Variants in SPECC1 observed in about 807,000 individuals in gnomAD.
SPECC1 encodes the protein sperm antigen with calponin homology and coiled-coil domains 1.
A neutral mutation model predicts 104.1 loss-of-function variants in SPECC1; 62 were observed. The observed-to-expected ratio is 0.60, with a 90% CI of 0.49 to 0.74. The LOEUF is 0.74. Ranked by LOEUF, SPECC1 falls within the 30% of genes least tolerant of loss-of-function variation. The probability of loss-of-function intolerance (pLI) is 0.00; values close to 1 mark genes in which losing one functional copy is unlikely to be tolerated. For synonymous variants in SPECC1, 513 were observed against 501.6 expected, an observed-to-expected ratio of 1.02 and a Z score of -0.30; for missense variants, 1,306 against 1,310.5, an observed-to-expected ratio of 1.00 and a Z score of 0.05.
At chr17:20,307,701 C>T (rs2041808496) in intron 14 of SPECC1, among the ~76,000 whole-genome samples, 3 of 152,044 alleles carry the variant, frequency 2.0e-5, no homozygotes, top group Admixed American at 2.0e-4. Flanking sequence ...CAAAAAAAAT[C>T]AGACAATGGC....
At chr17:20,098,750 C>T (rs2047776043) in intron 2 of SPECC1, among the ~76,000 whole-genome samples, 1 of 152,222 alleles carries the variant, frequency 6.6e-6, no homozygotes, top group Non-Finnish European at 1.5e-5. Flanking sequence ...CCATCCTCCT[C>T]CTCCTGCTGC....
rs139738250 is a variant in SPECC1 at position 20,175,979 on chromosome 17, C to T, written c.284-28354C>T. ...GAGAGTATTTTTTAAATGAATTAGG[C>T]CTGATTTAAACTATATTCAGCCCCC... On this transcript the variant is annotated intron_variant, in intron 3 of 14. Transcript: ENST00000395527. 2.1e-3 allele frequency among the ~76,000 whole-genome samples: 322 copies of T among 152,316 alleles called. 1 individual carries two copies. Among genetic ancestry groups the T allele is most frequent in the Non-Finnish European group, 3.2e-3 (216 of 68,036 alleles).
In SPECC1 at chr17:20,093,896, A is replaced by G. The variant is rs552561855; in HGVS notation, c.-21-2735A>G. ...CAGGTGTGTGTCACCACGTCCCCCT[A>G]ATTTTTTGTATTTTTAGTGAGACAG... is the stretch of plus-strand genomic sequence containing the variant. On this transcript the variant is annotated intron_variant, in intron 1 of 14. Transcript: ENST00000395527. 1.3e-4 allele frequency among the ~76,000 whole-genome samples: 20 copies of G among 151,502 alleles called. 1 individual carries two copies. Among genetic ancestry groups the G allele is most frequent in the Middle Eastern group, 3.4e-3 (1 of 292 alleles).
chr17:20,162,082 A>G (rs1042486002), intron 3 of SPECC1, among the ~76,000 whole-genome samples: 3 of 151,934 alleles, frequency 2.0e-5, no homozygotes, highest in Non-Finnish European at 4.4e-5. Flanking sequence ...GGCATGAGCC[A>G]CCGTGCCCTG....
chr17:20,207,430 CT>C (rs895447885), intron 4 of SPECC1, among the ~76,000 whole-genome samples: 1 of 152,096 alleles, frequency 6.6e-6, no homozygotes, highest in African/African-American at 2.4e-5. Flanking sequence ...TAAGATTATT[CT>C]TTTTTTACTT....
intron 14 of SPECC1, among the ~76,000 whole-genome samples, chr17:20,309,237 GACACTTTAAA>G (rs1343073259): frequency 1.3e-5 from 2 of 152,132 alleles, no homozygotes; most frequent in East Asian, 3.9e-4. Flanking sequence ...AATTACACAT[GACACTTTAAA>G]ACTACACCCA....
rs1567937558 is a variant in SPECC1 at position 20,205,161 on chromosome 17, C to CTT, written c.1113_1114dup (p.Ser372PhefsTer38). ...AACAGCGTAAGTGAATTGTCCCTGG[C>CTT]TTCCCTCACAGAGAAGATACAAAAG... On this transcript the variant is annotated frameshift_variant, in exon 4 of 15. Transcript: ENST00000395527. LOFTEE classifies it high-confidence loss of function. 6.2e-7 allele frequency: 1 copy of CTT among 1,614,148 alleles called. No homozygotes were observed. The highest frequency in any genetic ancestry group is 8.5e-7 in the Non-Finnish European group (1 of 1,180,034).
At chr17:20,230,762 C>G (rs562331067) in intron 5 of SPECC1, among the ~76,000 whole-genome samples, 3 of 152,170 alleles carry the variant, frequency 2.0e-5, no homozygotes, top group Non-Finnish European at 4.4e-5. Flanking sequence ...GCACAGAGAC[C>G]TAGGGACACA....
intron 1 of SPECC1, among the ~76,000 whole-genome samples, chr17:20,073,190 G>A (rs1450296339): frequency 6.6e-6 from 1 of 152,176 alleles, no homozygotes; most frequent in Admixed American, 6.5e-5. Context: ...CTTCCTGGTT[G>A]TAGCCCGACT....
intron 3 of SPECC1, among the ~76,000 whole-genome samples, chr17:20,166,195 A>G (rs1410928790): frequency 6.6e-6 from 1 of 152,216 alleles, no homozygotes; most frequent in Non-Finnish European, 1.5e-5. Flanking sequence ...TACAAAGTCC[A>G]CTCACTAAAT....
chr17:20,237,382 T>C (rs773736287), intron 7 of SPECC1: 9 of 699,804 alleles, frequency 1.3e-5, no homozygotes, highest in Non-Finnish European at 1.5e-5. Flanking sequence ...TGGTACGATC[T>C]CGGCTCACTG....
intron 12 of SPECC1, among the ~76,000 whole-genome samples, chr17:20,284,716 T>A (rs2040884210): frequency 6.6e-6 from 1 of 152,208 alleles, no homozygotes; most frequent in African/African-American, 2.4e-5. Context: ...ATCTGTAAAC[T>A]GTTAAACTTT....
intron 2 of SPECC1, among the ~76,000 whole-genome samples, chr17:20,108,626 G>A (rs2048341989): frequency 6.6e-6 from 1 of 152,102 alleles, no homozygotes; most frequent in South Asian, 2.1e-4. Flanking sequence ...CATAATACCT[G>A]GGACAGCCAC....
rs142246191 is a variant in SPECC1 at position 20,172,361 on chromosome 17, A to G, written c.284-31972A>G. On this transcript the variant is annotated intron_variant, in intron 3 of 14. Transcript: ENST00000395527. ...GATTGTGGATCAGTTTACTCCTGTT[A>G]TTTTTACTCTCAAAAAGTGCCCCAA... Among the ~76,000 whole-genome samples, 4 of 152,234 alleles carry G rather than the reference A, an allele frequency of 2.6e-5. 1 individual carries two copies. The highest frequency in any genetic ancestry group is 3.9e-4 in the East Asian group (2 of 5,172).
chr17:20,239,008 G>GAT, intron 7 of SPECC1: 1 of 1,035,622 alleles, frequency 9.7e-7, no homozygotes, highest in South Asian at 4.6e-5. Flanking sequence ...CAAGTAACTA[G>GAT]AATTTGAGGT....
chr17:20,215,694 C>G (rs1212212285), intron 4 of SPECC1, among the ~76,000 whole-genome samples: 1 of 152,198 alleles, frequency 6.6e-6, no homozygotes, highest in Non-Finnish European at 1.5e-5. Flanking sequence ...ATAACTAACA[C>G]TGAAATGTTT....
intron 4 of SPECC1, among the ~76,000 whole-genome samples, chr17:20,215,994 T>A (rs2037464311): frequency 6.6e-6 from 1 of 152,222 alleles, no homozygotes; most frequent in Non-Finnish European, 1.5e-5. Context: ...CAGAAACCCT[T>A]AAGTAACTTC....
At chr17:20,084,981 C>T (rs2047121296) in intron 1 of SPECC1, among the ~76,000 whole-genome samples, 1 of 152,222 alleles carries the variant, frequency 6.6e-6, no homozygotes. Flanking sequence ...GGAAGCAGGT[C>T]TGTGCCCAGA....
In SPECC1 at chr17:20,227,471, G is replaced by A. The variant is rs747790545; in HGVS notation, c.1922G>A (p.Ser641Asn). The A allele has an allele frequency of 3.1e-6, 5 of 1,613,700 alleles. No homozygotes were observed. The Admixed American group carries it at 8.3e-5, about 27-fold the overall frequency. The change falls in exon 5 of 15, where the codon AGC becomes AAC. Residue 641 changes from serine (S) to asparagine (N), a missense_variant. Ser to Asn is a conservative substitution (Grantham distance 46). This residue lies in a region of SPECC1 where 1,177 missense variants were observed against 1,139.9 expected (regional missense o/e 1.03). Coordinates refer to ENST00000395527, the MANE Select transcript of SPECC1 (RefSeq NM_001243439.2). ...EICDHQAEQL[S>N]RTSLKLQEKA... The stretch of plus-strand genomic sequence containing the variant: ...TGTGATCACCAAGCCGAACAGCTGA[G>A]CAGAACCAGCCTAAAGCTGCAAGAA...
Sources: gnomAD v4.1 joint callset for allele counts (sites outside exome capture counted in the v4.1 genomes callset) on GRCh38, gnomAD v4.1.1 for gene constraint, gnomAD v4.1.1 regional missense constraint, MANE v1.5 for transcripts, NCBI Gene and HGNC (gene_info 2026-07-23, HGNC 2026-07-21) for gene names.